Variants in JMJD1C observed in about 807,000 individuals in gnomAD.
The protein encoded by JMJD1C is jumonji domain containing 1C.
JMJD1C carries 31 observed loss-of-function variants against 245.3 expected under a neutral mutation model. The ratio of observed to expected loss-of-function variants is 0.13; its 90% CI spans 0.09 to 0.17. The LOEUF is 0.17. JMJD1C is among the 10% of genes least tolerant of loss of function. The pLI is 1.00. For synonymous variants in JMJD1C, 1,057 were observed against 1,017.4 expected (o/e 1.04, Z -0.74); for missense variants, 2,691 against 3,000.2 (o/e 0.90, Z 2.41).
At chr10:63,300,882 A>T (rs1320002258) in intron 2 of JMJD1C, among the ~76,000 whole-genome samples, 2 of 118,126 alleles carry the variant, frequency 1.7e-5, no homozygotes, top group African/African-American at 5.7e-5. Flanking sequence ...ACAGATTGAG[A>T]CTCTGTCTCA....
chr10:63,472,168 T>C (rs1455451015), intron 1 of JMJD1C, among the ~76,000 whole-genome samples: 2 of 151,968 alleles, frequency 1.3e-5, no homozygotes, highest in Non-Finnish European at 2.9e-5. Flanking sequence ...TCTTCATCTA[T>C]AATAGATAAA....
chr10:63,223,847 G>A (rs571822103), intron 3 of JMJD1C, among the ~76,000 whole-genome samples: 8 of 151,902 alleles, frequency 5.3e-5, no homozygotes, highest in East Asian at 2.0e-4. Flanking sequence ...TCCACCTCCC[G>A]GGTTCAAGAG....
chr10:63,246,944 T>C (rs887490642), intron 3 of JMJD1C, among the ~76,000 whole-genome samples: 2 of 151,162 alleles, frequency 1.3e-5, no homozygotes, highest in Admixed American at 6.6e-5. Context: ...AAAGCGATAC[T>C]AAGAGGAAAG....
intron 1 of JMJD1C, among the ~76,000 whole-genome samples, chr10:63,420,067 C>G (rs1589713184): frequency 6.6e-6 from 1 of 151,106 alleles, no homozygotes; most frequent in African/African-American, 2.4e-5. Context: ...ACCCGGGAGG[C>G]AGAAGCTGCA....
intron 1 of JMJD1C, among the ~76,000 whole-genome samples, chr10:63,394,690 C>T (rs1948339308): frequency 6.6e-6 from 1 of 151,942 alleles, no homozygotes; most frequent in Non-Finnish European, 1.5e-5. Flanking sequence ...ACTAATAATA[C>T]AAAATCAGTC....
Position 63,208,084 on chromosome 10 carries a change from A to T in JMJD1C, c.3585T>A (p.Asn1195Lys). 1.2e-6 allele frequency: 2 copies of T among 1,614,114 alleles called. No homozygotes were observed. Among genetic ancestry groups the T allele is most frequent in the Non-Finnish European group, 1.7e-6 (2 of 1,179,990 alleles). Reference sequence around the variant, plus strand: ...GTAATGCAGGCATACTGCGGAGTGTATTTGTAGAAGAAACTGTCAAATGGG... The same window carrying T: ...GTAATGCAGGCATACTGCGGAGTGTTTTTGTAGAAGAAACTGTCAAATGGG... ...SPTHLTVSSTNTLRSMPALHR... is the reference protein window; with the variant it reads ...SPTHLTVSSTKTLRSMPALHR... Residue 1195 changes from asparagine to lysine, a missense_variant, in exon 10 of 26, where the codon AAT becomes AAA. Asn to Lys is a moderately conservative substitution (Grantham distance 94, BLOSUM62 0). Transcript: ENST00000399262.
intron 3 of JMJD1C, among the ~76,000 whole-genome samples, chr10:63,236,148 T>C (rs1850703142): frequency 6.6e-6 from 1 of 152,198 alleles, no homozygotes; most frequent in Admixed American, 6.5e-5. Flanking sequence ...TACAGCAATA[T>C]TACATTAACA....
intron 1 of JMJD1C, among the ~76,000 whole-genome samples, chr10:63,407,072 A>C (rs1035556929): frequency 1.2e-4 from 18 of 152,198 alleles, no homozygotes; most frequent in Non-Finnish European, 2.6e-4. Flanking sequence ...ACCAAAGATA[A>C]GCTATGCCCC....
At chr10:63,219,487 A>G (rs10822148) in intron 4 of JMJD1C, among the ~76,000 whole-genome samples, 101,041 of 152,056 alleles carry the variant, frequency 0.66, 36,197 homozygotes, top group Non-Finnish European at 0.81. Context: ...AAAAAGGTGC[A>G]CTGAAATAGG....
chr10:63,434,848 G>T (rs959757174), intron 1 of JMJD1C, among the ~76,000 whole-genome samples: 2 of 152,226 alleles, frequency 1.3e-5, no homozygotes, highest in East Asian at 3.8e-4. Flanking sequence ...AATAGTTCCT[G>T]TTCCCAACAG....
chr10:63,385,783 C>T (rs982520759), intron 1 of JMJD1C, among the ~76,000 whole-genome samples: 1 of 151,938 alleles, frequency 6.6e-6, no homozygotes, highest in Non-Finnish European at 1.5e-5. Flanking sequence ...TCAGCATCTG[C>T]TAAGTGCAAT....
In JMJD1C at chr10:63,209,333, T is replaced by A. The variant is rs1847044150; in HGVS notation, c.2695-98A>T. On this transcript the variant is annotated intron_variant, in intron 8 of 25. Coordinates refer to ENST00000399262, the MANE Select transcript of JMJD1C (RefSeq NM_032776.3). ...AGAACTGGGTATGATCTTGGTGGTT[T>A]ATTAGTTCATTCAAATAGCAGTTTC... is the stretch of plus-strand genomic sequence containing the variant. The A allele has an allele frequency of 1.2e-5, 11 of 909,136 alleles. No individual in the cohort carries two copies. In the East Asian group the frequency reaches 3.3e-4, roughly 27 times the overall value. The allele number at this position is 909,136 out of a possible 1,614,324, so 56.3% of individuals were successfully genotyped here.
chr10:63,175,770 C>T (rs990347524), intron 24 of JMJD1C, among the ~76,000 whole-genome samples: 1 of 152,218 alleles, frequency 6.6e-6, no homozygotes, highest in Non-Finnish European at 1.5e-5. Flanking sequence ...TCCCACCCTC[C>T]ATAACCACTG....
intron 2 of JMJD1C, among the ~76,000 whole-genome samples, chr10:63,370,761 A>AATAATACCTAT (rs1223860192): frequency 2.0e-5 from 3 of 152,280 alleles, no homozygotes; most frequent in Non-Finnish European, 4.4e-5. Flanking sequence ...GCAAAACACA[A>AATAATACCTAT]ATAATACCTA....
At chr10:63,253,625 A>C (rs1366720957) in intron 3 of JMJD1C, among the ~76,000 whole-genome samples, 1 of 152,112 alleles carries the variant, frequency 6.6e-6, no homozygotes, top group Non-Finnish European at 1.5e-5. Context: ...AACTCAGGTG[A>C]TCCGCCCACT....
At chr10:63,393,048 C>A (rs1004580517) in intron 1 of JMJD1C, among the ~76,000 whole-genome samples, 7 of 152,088 alleles carry the variant, frequency 4.6e-5, no homozygotes, top group African/African-American at 1.7e-4. Flanking sequence ...AGGGAGATCA[C>A]CTGCGCCCAG....
intron 3 of JMJD1C, among the ~76,000 whole-genome samples, chr10:63,254,190 AAAACAAAC>A (rs781122320): frequency 6.6e-5 from 10 of 152,214 alleles, no homozygotes; most frequent in South Asian, 6.2e-4. Flanking sequence ...CACAACCAAA[AAAACAAAC>A]AAACAAACAA....
chr10:63,454,571 C>T lies in JMJD1C; in HGVS notation c.168+10924G>A, dbSNP rs1952288245. ...TCAGCCCCCCTAGTAGCTGGGATTA[C>T]AGGCCTGCACCACCACACCCAGTTA... is the stretch of plus-strand genomic sequence containing the variant. On this transcript the variant is annotated intron_variant, in intron 1 of 25. Transcript: ENST00000399262. 2.0e-5 allele frequency among the ~76,000 whole-genome samples: 3 copies of T among 152,292 alleles called. No homozygotes were observed. The South Asian group carries it at 6.2e-4, about 32-fold the overall frequency.
In JMJD1C at chr10:63,338,909, A is replaced by G. The variant is rs181046164; in HGVS notation, c.333+41409T>C. ...GGTGATCCACCCGCCTCAGCCTCCCAAAGTGCTGGGATTACAGGTGTCGTG... is the reference window on the plus strand; with the variant it reads ...GGTGATCCACCCGCCTCAGCCTCCCGAAGTGCTGGGATTACAGGTGTCGTG... On this transcript the variant is annotated intron_variant, in intron 2 of 25. Transcript: ENST00000399262. Among the ~76,000 whole-genome samples, 24 of 152,162 alleles carry G rather than the reference A, an allele frequency of 1.6e-4. 1 individual carries two copies. In the East Asian group the frequency reaches 4.6e-3, roughly 29 times the overall value.
Sources: allele counts gnomAD v4.1 joint callset (sites outside exome capture counted in the v4.1 genomes callset), GRCh38; gene constraint gnomAD v4.1.1; transcripts MANE v1.5; gene names NCBI Gene and HGNC (gene_info 2026-07-23, HGNC 2026-07-21).